STK31: variants seen among roughly 807,000 people sequenced by gnomAD.
The protein encoded by STK31 is serine/threonine-protein kinase 31.
In STK31, 89 loss-of-function variants were observed where a neutral mutation model predicts 129.7. That is an observed-to-expected ratio of 0.69 (90% CI 0.58 to 0.82). The LOEUF is 0.82. Ranked by LOEUF, STK31 falls within the 40% of genes least tolerant of loss-of-function variation. The pLI, the probability that STK31 is intolerant of heterozygous loss-of-function variation, is 0.00. For synonymous variants in STK31, 448 were observed against 395.3 expected, an observed-to-expected ratio of 1.13 and a Z score of -1.58; for missense variants, 1,187 against 1,176.4, an observed-to-expected ratio of 1.01 and a Z score of -0.13.
chr7:23,804,203 C>A (rs1355481327), intron 22 of STK31, among the ~76,000 whole-genome samples: 2 of 152,196 alleles, frequency 1.3e-5, no homozygotes, highest in Non-Finnish European at 2.9e-5. Context: ...CAGGCATGAA[C>A]TACCACGTCT....
intron 4 of STK31, chr7:23,721,844 C>A (rs533159485): frequency 1.0e-5 from 5 of 500,076 alleles, no homozygotes; most frequent in African/African-American, 9.7e-5. Flanking sequence ...ATCAGTGATA[C>A]CCTTTCTTCC....
chr7:23,794,251 G>C (rs998635432), intron 22 of STK31, among the ~76,000 whole-genome samples: 2 of 152,120 alleles, frequency 1.3e-5, no homozygotes, highest in Non-Finnish European at 2.9e-5. Flanking sequence ...CAGTTCTTGT[G>C]GAAGTAAGTC....
At chr7:23,740,601 C>T (rs537794503) in intron 8 of STK31, among the ~76,000 whole-genome samples, 27 of 152,180 alleles carry the variant, frequency 1.8e-4, no homozygotes, top group Admixed American at 3.9e-4. Flanking sequence ...CCCATTAACT[C>T]GTCATTTAGC....
intron 5 of STK31, among the ~76,000 whole-genome samples, chr7:23,728,072 CTTTTTTT>C (rs56355518): frequency 1.5e-5 from 1 of 68,290 alleles, no homozygotes; most frequent in Non-Finnish European, 2.7e-5. Flanking sequence ...TTGTGTTAAG[CTTTTTTT>C]TTTTTTTTTT....
chr7:23,741,738 G>T (rs1394831161), intron 8 of STK31, among the ~76,000 whole-genome samples: 1 of 152,182 alleles, frequency 6.6e-6, no homozygotes, highest in African/African-American at 2.4e-5. Context: ...GCCCCTCTCA[G>T]GTGAGCAGTG....
At chr7:23,786,284 T>G (rs1295768362) in intron 18 of STK31, among the ~76,000 whole-genome samples, 1 of 152,098 alleles carries the variant, frequency 6.6e-6, no homozygotes, top group Admixed American at 6.6e-5. Flanking sequence ...AATTTGGCCT[T>G]AGTTGCTACA....
chr7:23,802,348 G>C (rs773708274), intron 22 of STK31, among the ~76,000 whole-genome samples: 1 of 152,222 alleles, frequency 6.6e-6, no homozygotes, highest in Admixed American at 6.5e-5. Flanking sequence ...ACCTCCCGCT[G>C]TGCGGTCCAG....
At position 23,759,062 on chromosome 7, in the gene STK31, G is replaced by A. The variant is rs1264046165; in HGVS notation, c.1294-3739G>A. Among the ~76,000 whole-genome samples the A allele has an allele frequency of 2.6e-5, 4 of 152,286 alleles. No homozygotes were observed. In the East Asian group the frequency reaches 5.8e-4, roughly 22 times the overall value. ...GACAAAGGCATTACGTAATGGTAAA[G>A]GAAACAGTTCAACAAGAAGAGGTGA... On this transcript the variant is annotated intron_variant, in intron 10 of 23. Transcript: ENST00000355870.
intron 23 of STK31, among the ~76,000 whole-genome samples, chr7:23,823,637 A>G (rs988621502): frequency 2.6e-5 from 4 of 152,158 alleles, no homozygotes; most frequent in East Asian, 1.9e-4. Flanking sequence ...TTTTGTTGCC[A>G]TTGCTTTTGG....
At position 23,792,303 on chromosome 7, in the gene STK31, TA is replaced by T. The variant is rs540764703; in HGVS notation, c.2760+1358del. The stretch of plus-strand genomic sequence containing the variant: ...AGAAAGATAGCAGTTTTAATTTCAA[TA>T]TAATTGTGTTTTTATATAAGCAACA... On this transcript the variant is annotated intron_variant, in intron 22 of 23. Transcript: ENST00000355870. Among the ~76,000 whole-genome samples, 818 of 152,330 alleles carry T rather than the reference TA, an allele frequency of 5.4e-3. 7 individuals are homozygous for T. Among genetic ancestry groups the T allele is most frequent in the Non-Finnish European group, 6.3e-3 (429 of 68,020 alleles).
At chr7:23,710,635 C>A in intron 1 of STK31, 1 of 1,229,174 alleles carries the variant, frequency 8.1e-7, no homozygotes, top group Non-Finnish European at 1.0e-6. Flanking sequence ...TTCAAAATCC[C>A]TTATAAAATA....
intron 23 of STK31, among the ~76,000 whole-genome samples, chr7:23,819,785 A>G (rs1793693029): frequency 6.6e-6 from 1 of 152,216 alleles, no homozygotes; most frequent in African/African-American, 2.4e-5. Context: ...GTGTCAAATA[A>G]TGGAATAGCA....
At chr7:23,815,955 C>G (rs1793445643) in intron 23 of STK31, among the ~76,000 whole-genome samples, 1 of 152,018 alleles carries the variant, frequency 6.6e-6, no homozygotes, top group Admixed American at 6.6e-5. Context: ...TCTGGAAGTT[C>G]TTAGCTATTT....
chr7:23,762,210 A>G lies in STK31; in HGVS notation c.1294-591A>G, dbSNP rs551398335. Among the ~76,000 whole-genome samples, 116 of 151,380 alleles carry G rather than the reference A, an allele frequency of 7.7e-4. 1 individual carries two copies. In the Middle Eastern group the frequency reaches 0.017, roughly 22 times the overall value. On this transcript the variant is annotated intron_variant, in intron 10 of 23. Transcript: ENST00000355870. ...ATTAACTCGTCATTTAGCATTAGGT[A>G]TATCTCCTAATGCTATCCCTCCCCC...
chr7:23,710,833 G>A (rs1469730584), intron 1 of STK31: 1 of 980,560 alleles, frequency 1.0e-6, no homozygotes, highest in Non-Finnish European at 1.2e-6. Flanking sequence ...AGTGTGTGGA[G>A]AGATTTCCAA....
chr7:23,718,132 G>C (rs986900101), intron 4 of STK31, among the ~76,000 whole-genome samples: 1 of 152,036 alleles, frequency 6.6e-6, no homozygotes, highest in Non-Finnish European at 1.5e-5. Flanking sequence ...TTAAAAATAG[G>C]AAAAGTAGAA....
intron 3 of STK31, among the ~76,000 whole-genome samples, chr7:23,714,275 C>T (rs1040938398): frequency 2.0e-5 from 3 of 152,212 alleles, no homozygotes; most frequent in African/African-American, 4.8e-5. Flanking sequence ...AGGTTGCTCA[C>T]ACGTTCTGGT....
At chr7:23,813,988 T>C (rs913611987) in intron 22 of STK31, among the ~76,000 whole-genome samples, 1 of 151,924 alleles carries the variant, frequency 6.6e-6, no homozygotes, top group Admixed American at 6.6e-5. Context: ...CCTGGCTGCT[T>C]ATTGACAGGG....
intron 15 of STK31, among the ~76,000 whole-genome samples, chr7:23,773,265 C>T (rs1164269188): frequency 6.6e-6 from 1 of 152,000 alleles, no homozygotes; most frequent in East Asian, 1.9e-4. Flanking sequence ...CATTGTTCAC[C>T]TCATCTTATG....
Sources: gnomAD v4.1 joint callset for allele counts (sites outside exome capture counted in the v4.1 genomes callset) on GRCh38, gnomAD v4.1.1 for gene constraint, MANE v1.5 for transcripts, NCBI Gene and HGNC (gene_info 2026-07-23, HGNC 2026-07-21) for gene names.